ESRRG: variants seen among roughly 807,000 people sequenced by gnomAD.
ESRRG encodes the protein estrogen related receptor gamma.
Under a neutral mutation model 44.0 loss-of-function variants are expected in ESRRG, and 13 were observed. That is an observed-to-expected ratio of 0.30 (90% CI 0.19 to 0.47). The LOEUF (loss-of-function observed/expected upper bound fraction) is 0.47. Among genes scored for constraint, ESRRG ranks in the 20% least tolerant of loss-of-function variants. The pLI is 1.00. For synonymous variants in ESRRG, 215 were observed against 214.6 expected (o/e 1.00, Z -0.02); for missense variants, 395 against 580.6 (o/e 0.68, Z 3.29).
chr1:216,586,828 C>A (rs543900312), intron 3 of ESRRG, among the ~76,000 whole-genome samples: 1 of 152,058 alleles, frequency 6.6e-6, no homozygotes, highest in South Asian at 2.1e-4. Context: ...CTGCCCACCT[C>A]GGCCTCCCAA....
At chr1:217,134,053 A>T (rs997647093) in intron 1 of ESRRG, among the ~76,000 whole-genome samples, 1 of 151,994 alleles carries the variant, frequency 6.6e-6, no homozygotes, top group Non-Finnish European at 1.5e-5. Context: ...CGGTTTTGGG[A>T]GGGCCAGGTT....
intron 3 of ESRRG, among the ~76,000 whole-genome samples, chr1:216,641,808 AG>A: frequency 6.6e-6 from 1 of 152,204 alleles, no homozygotes; most frequent in South Asian, 2.1e-4. Flanking sequence ...CAGGACTTTG[AG>A]TGGGAAGTCA....
At chr1:216,557,241 C>T (rs1001359783) in intron 5 of ESRRG, among the ~76,000 whole-genome samples, 32 of 152,244 alleles carry the variant, frequency 2.1e-4, no homozygotes, top group Admixed American at 8.5e-4. Flanking sequence ...TAAATTCACT[C>T]TCCTTCCCTT....
intron 1 of ESRRG, among the ~76,000 whole-genome samples, chr1:216,977,697 A>C (rs1277187471): frequency 6.6e-6 from 1 of 152,154 alleles, no homozygotes; most frequent in African/African-American, 2.4e-5. Context: ...TTGGTGGCTA[A>C]GAATAATTAA....
At chr1:216,817,710 A>G (rs1238169231) in intron 2 of ESRRG, among the ~76,000 whole-genome samples, 1 of 152,248 alleles carries the variant, frequency 6.6e-6, no homozygotes, top group Non-Finnish European at 1.5e-5. Context: ...GTATGAAAAA[A>G]GTAATAAATT....
At chr1:216,730,317 A>AG (rs988466181) in intron 2 of ESRRG, among the ~76,000 whole-genome samples, 1 of 151,458 alleles carries the variant, frequency 6.6e-6, no homozygotes, top group East Asian at 1.9e-4. Context: ...AAAAAAAAAA[A>AG]AAAAAGAAAG....
At chr1:216,897,918 C>T (rs567856323) in intron 2 of ESRRG, among the ~76,000 whole-genome samples, 2 of 152,278 alleles carry the variant, frequency 1.3e-5, no homozygotes, top group East Asian at 3.9e-4. Flanking sequence ...TATGTACTGT[C>T]CCATCCTGTC....
At chr1:216,648,275 C>T (rs73089984) in intron 3 of ESRRG, among the ~76,000 whole-genome samples, 2,726 of 152,254 alleles carry the variant, frequency 0.018, 85 homozygotes, top group African/African-American at 0.062. Context: ...GAATATTCCA[C>T]ATTTACTCAT....
At chr1:216,707,156 C>T (rs549990207) in intron 1 of ESRRG, among the ~76,000 whole-genome samples, 2 of 152,294 alleles carry the variant, frequency 1.3e-5, no homozygotes, top group South Asian at 4.1e-4. Context: ...ACAACATAAA[C>T]CTTCTAGAGT....
At chr1:216,837,420 A>AAAAAAAAAAT (rs5780932) in intron 2 of ESRRG, among the ~76,000 whole-genome samples, 3 of 150,928 alleles carry the variant, frequency 2.0e-5, no homozygotes, top group African/African-American at 7.4e-5. Flanking sequence ...CAAAAAAAAA[A>AAAAAAAAAAT]TACAACTTTT....
chr1:216,924,805 G>A (rs114822158), intron 2 of ESRRG, among the ~76,000 whole-genome samples: 8,453 of 152,174 alleles, frequency 0.056, 283 homozygotes, highest in Middle Eastern at 0.11. Flanking sequence ...AAGCCGTAGC[G>A]GGTGAGGTGA....
intron 2 of ESRRG, among the ~76,000 whole-genome samples, chr1:216,738,580 G>A (rs1157782007): frequency 6.6e-6 from 1 of 152,076 alleles, no homozygotes; most frequent in Admixed American, 6.6e-5. Flanking sequence ...ATTTTACAAT[G>A]AATGCAGATT....
intron 2 of ESRRG, among the ~76,000 whole-genome samples, chr1:216,874,902 A>G (rs897942572): frequency 6.6e-6 from 1 of 152,210 alleles, no homozygotes; most frequent in African/African-American, 2.4e-5. Flanking sequence ...CTTGAACATC[A>G]GACTCCAAGT....
intron 3 of ESRRG, among the ~76,000 whole-genome samples, chr1:216,628,803 T>C (rs1189679400): frequency 6.6e-6 from 1 of 152,132 alleles, no homozygotes; most frequent in Non-Finnish European, 1.5e-5. Flanking sequence ...CCAAAACCCT[T>C]AAATTGATTT....
intron 2 of ESRRG, chr1:216,865,054 C>G (rs1316551030): frequency 1.3e-5 from 2 of 151,786 alleles, no homozygotes; most frequent in African/African-American, 4.8e-5. Context: ...GAAAATGATA[C>G]TTTTACCTTA....
intron 1 of ESRRG, among the ~76,000 whole-genome samples, chr1:216,977,341 T>TATACACACACACACACACACAC (rs146010546): frequency 7.7e-4 from 111 of 144,070 alleles, no homozygotes; most frequent in Admixed American, 2.0e-3. Context: ...GGAGGATACA[T>TATACACACACACACACACACAC]ACACACACAC....
Position 216,677,468 on chromosome 1 carries a change from T to C in ESRRG, c.80A>G (p.Lys27Arg), listed in dbSNP as rs780194226. The change falls in exon 2 of 7, where the codon AAA becomes AGA. Residue 27 changes from lysine (K) to arginine (R), a missense_variant. Physicochemically the swap from Lys to Arg is conservative, Grantham distance 26. Transcript: ENST00000408911. ...ACAGCTGGAATCAATGTGTCGATCT[T>C]TGTTTGACATTCTGCAGAGAAGCCT... ...EEELLCRMSN[K>R]DRHIDSSCSS... 4 of 1,610,416 alleles carry C rather than the reference T, an allele frequency of 2.5e-6. No homozygotes were observed. Among genetic ancestry groups the C allele is most frequent in the Admixed American group, 1.7e-5 (1 of 59,824 alleles).
At chr1:216,723,566 G>C, upstream of ESRRG, 1 of 490,164 alleles carries the variant, frequency 2.0e-6, no homozygotes, top group Non-Finnish European at 3.6e-6. Flanking sequence ...GGAGGCGACG[G>C]GAGGCTGCAC....
chr1:216,894,127 C>T (rs1053523012), intron 2 of ESRRG, among the ~76,000 whole-genome samples: 6 of 152,058 alleles, frequency 3.9e-5, no homozygotes, highest in African/African-American at 1.2e-4. Flanking sequence ...TCTCTAATCC[C>T]GGTTTGCCAA....
Sources: gnomAD v4.1 joint callset for allele counts (sites outside exome capture counted in the v4.1 genomes callset) on GRCh38, gnomAD v4.1.1 for gene constraint, MANE v1.5 for transcripts, NCBI Gene and HGNC (gene_info 2026-07-23, HGNC 2026-07-21) for gene names.